Variants in RYR2 observed in about 807,000 individuals in gnomAD.
RYR2 encodes ryanodine receptor 2.
RYR2 carries 227 observed loss-of-function variants against 601.1 expected under a neutral mutation model. The ratio of observed to expected loss-of-function variants is 0.38; its 90% confidence interval spans 0.34 to 0.42. RYR2 has a LOEUF of 0.42. RYR2 is among the 10% of genes least tolerant of loss of function. RYR2 has a pLI of 1.00. For missense variants in RYR2, 4,646 were observed against 6,156.5 expected, an observed-to-expected ratio of 0.75 and a Z score of 8.21; for synonymous variants, 2,223 against 2,175.1, an observed-to-expected ratio of 1.02 and a Z score of -0.61.
At chr1:237,823,660 G>A (rs1662768581) in intron 101 of RYR2, among the ~76,000 whole-genome samples, 1 of 152,022 alleles carries the variant, frequency 6.6e-6, no homozygotes, top group Non-Finnish European at 1.5e-5. Context: ...GCTAGCAGAA[G>A]ACAAGAAATA....
chr1:237,669,748 G>A (rs1456216383), intron 58 of RYR2, among the ~76,000 whole-genome samples: 8 of 150,626 alleles, frequency 5.3e-5, no homozygotes, highest in Admixed American at 3.3e-4. Flanking sequence ...GGGAAGAGGC[G>A]CTCCTCACTT....
intron 17 of RYR2, among the ~76,000 whole-genome samples, chr1:237,489,277 G>T (rs565751527): frequency 6.6e-6 from 1 of 152,222 alleles, no homozygotes; most frequent in African/African-American, 2.4e-5. Flanking sequence ...ATGAAAAATA[G>T]TCTACCCACA....
At chr1:237,592,343 T>C (rs926042550) in intron 32 of RYR2, among the ~76,000 whole-genome samples, 1 of 152,174 alleles carries the variant, frequency 6.6e-6, no homozygotes, top group African/African-American at 2.4e-5. Flanking sequence ...TATTTCAAAA[T>C]GAGTTTAGGC....
intron 65 of RYR2, among the ~76,000 whole-genome samples, chr1:237,701,339 T>A (rs1200547212): frequency 2.0e-5 from 3 of 152,176 alleles, no homozygotes; most frequent in Non-Finnish European, 4.4e-5. Context: ...GAGACCAGCC[T>A]GGCCAGTATG....
chr1:237,375,121 C>G (rs577541040), intron 7 of RYR2, among the ~76,000 whole-genome samples: 8 of 152,134 alleles, frequency 5.3e-5, no homozygotes, highest in Non-Finnish European at 1.2e-4. Context: ...TTCTACATGT[C>G]TCTCTCAAAA....
rs749237298 is a variant in RYR2, at chr1:237,569,207, G to T, written c.3486G>T (p.Val1162=). The T allele has an allele frequency of 1.2e-6, 2 of 1,613,908 alleles. No homozygotes were observed. Among genetic ancestry groups the T allele is most frequent in the South Asian group, 1.1e-5 (1 of 91,074 alleles). The change falls in exon 29 of 105, where the codon GTG becomes GTT. Residue 1162 remains valine, a synonymous_variant. Transcript: ENST00000366574. ...YGRSWQAGDV[V]GCMVDMNEHT... Reference sequence around the variant, plus strand: ...GCTCTTGGCAAGCAGGCGATGTCGTGGGGTGTATGGTTGACATGAACGAAC... The same window carrying T: ...GCTCTTGGCAAGCAGGCGATGTCGTTGGGTGTATGGTTGACATGAACGAAC...
intron 1 of RYR2, among the ~76,000 whole-genome samples, chr1:237,248,965 A>G (rs529420482): frequency 6.6e-6 from 1 of 152,020 alleles, no homozygotes; most frequent in African/African-American, 2.4e-5. Context: ...GGGTTTCTCC[A>G]TGTCAGTGAG....
At chr1:237,586,135 T>A (rs889759242) in intron 29 of RYR2, among the ~76,000 whole-genome samples, 6 of 152,196 alleles carry the variant, frequency 3.9e-5, no homozygotes, top group African/African-American at 1.4e-4. Context: ...ACTTTTTGTT[T>A]TGAGGAATAT....
At chr1:237,422,867 C>T (rs545050365) in intron 11 of RYR2, among the ~76,000 whole-genome samples, 30 of 152,304 alleles carry the variant, frequency 2.0e-4, no homozygotes, top group African/African-American at 7.2e-4. Flanking sequence ...CCTTGAGTTA[C>T]ATTTAACTTC....
rs1302618660 is a variant in RYR2, at chr1:237,631,696, C to T, written c.6555+155C>T. 4.3e-5 allele frequency among the ~76,000 whole-genome samples: 5 copies of T among 117,608 alleles called. 1 individual carries two copies. The highest frequency in any genetic ancestry group is 3.3e-4 in the Admixed American group (3 of 8,978). The allele number at this position is 117,608 out of a possible 152,430, so 77.2% of individuals were successfully genotyped here. A position where few individuals can be genotyped will look rare whatever the true frequency, so the allele number is the denominator to read the frequency against. Reference sequence around the variant, plus strand: ...CAGGCTGGAGTGCAGTGCACGATCTCGGCTCACTGCAAGCTCCGCCTCCCG... The same window carrying T: ...CAGGCTGGAGTGCAGTGCACGATCTTGGCTCACTGCAAGCTCCGCCTCCCG... On this transcript the variant is annotated intron_variant, in intron 42 of 104. Coordinates refer to ENST00000366574, the MANE Select transcript of RYR2 (RefSeq NM_001035.3).
rs1316793513 is a variant in RYR2, at chr1:237,587,408, T to C, written c.3599-2385T>C. Among the ~76,000 whole-genome samples the C allele has an allele frequency of 3.3e-5, 5 of 152,268 alleles. No individual in the cohort carries two copies. The East Asian group carries it at 9.7e-4, about 29-fold the overall frequency. On this transcript the variant is annotated intron_variant, in intron 29 of 104. Transcript: ENST00000366574. Reference sequence around the variant, plus strand: ...AGCTTGTTTTTTAATAAAATATATATACATTGAAGAAAATTTGTTAAATTG... The same window carrying C: ...AGCTTGTTTTTTAATAAAATATATACACATTGAAGAAAATTTGTTAAATTG...
At chr1:237,701,944 T>C in intron 65 of RYR2, 34 bp from the exon 66 acceptor site, 2 of 1,309,412 alleles carry the variant, frequency 1.5e-6, no homozygotes, top group Non-Finnish European at 2.2e-6. Context: ...AATAAGTGGG[T>C]TTTTCTTTCA....
At chr1:237,532,413 T>A (rs1006119583) in intron 25 of RYR2, among the ~76,000 whole-genome samples, 7 of 152,122 alleles carry the variant, frequency 4.6e-5, no homozygotes, top group African/African-American at 1.7e-4. Context: ...ATTTAATGAT[T>A]TTTTTCAGGG....
chr1:237,556,427 A>G (rs1248263465), intron 27 of RYR2, among the ~76,000 whole-genome samples: 1 of 150,002 alleles, frequency 6.7e-6, no homozygotes, highest in Non-Finnish European at 1.5e-5. Context: ...CAGCCTCCCG[A>G]GTAGCTGGGA....
chr1:237,687,423 C>A, intron 62 of RYR2, 32 bp from the exon 63 acceptor site: 1 of 1,172,472 alleles, frequency 8.5e-7, no homozygotes, highest in Non-Finnish European at 1.2e-6. Flanking sequence ...TTCCCCCTTC[C>A]CTTTTCTCTT....
chr1:237,128,353 G>A (rs1208543110), intron 1 of RYR2, among the ~76,000 whole-genome samples: 2 of 152,204 alleles, frequency 1.3e-5, no homozygotes, highest in Non-Finnish European at 1.5e-5. Flanking sequence ...CAGCATGAGA[G>A]GGAGACTGTG....
intron 17 of RYR2, among the ~76,000 whole-genome samples, chr1:237,470,779 T>G (rs990052819): frequency 3.4e-5 from 5 of 145,676 alleles, no homozygotes; most frequent in Non-Finnish European, 7.6e-5. Flanking sequence ...ACACAAGGAG[T>G]GAGTTTAGGA....
chr1:237,495,393 T>C (rs1663962206), intron 19 of RYR2, among the ~76,000 whole-genome samples: 1 of 152,228 alleles, frequency 6.6e-6, no homozygotes, highest in Non-Finnish European at 1.5e-5. Flanking sequence ...TGGATACAGC[T>C]GGTTTTTTTC....
intron 60 of RYR2, among the ~76,000 whole-genome samples, chr1:237,675,586 T>C (rs1029220715): frequency 6.6e-6 from 1 of 152,184 alleles, no homozygotes; most frequent in Non-Finnish European, 1.5e-5. Flanking sequence ...TGGTTATTCA[T>C]TTATTTTCAT....
Sources: gnomAD v4.1 joint callset for allele counts (sites outside exome capture counted in the v4.1 genomes callset) on GRCh38, gnomAD v4.1.1 for gene constraint, MANE v1.5 for transcripts, NCBI Gene and HGNC (gene_info 2026-07-23, HGNC 2026-07-21) for gene names.